EXOC6B: variants seen among roughly 807,000 people sequenced by gnomAD.
The protein encoded by EXOC6B is exocyst complex component 6B, also known as SEC15 homolog B.
Under a neutral mutation model 113.5 loss-of-function variants are expected in EXOC6B, and 54 were observed. The ratio of observed to expected loss-of-function variants is 0.48; its 90% CI spans 0.38 to 0.60. EXOC6B has a LOEUF of 0.60. EXOC6B is among the 20% of genes least tolerant of loss of function. EXOC6B has a pLI of 0.00. For synonymous variants in EXOC6B, 357 were observed against 339.0 expected (o/e 1.05, Z -0.58); for missense variants, 797 against 977.5 (o/e 0.82, Z 2.46).
intron 6 of EXOC6B, among the ~76,000 whole-genome samples, chr2:72,676,224 G>A (rs190862285): frequency 6.6e-6 from 1 of 151,900 alleles, no homozygotes; most frequent in East Asian, 1.9e-4. Flanking sequence ...AGTCTTTAGA[G>A]AATGCCCTGG....
At chr2:72,342,954 A>C (rs1689118596) in intron 19 of EXOC6B, among the ~76,000 whole-genome samples, 1 of 152,184 alleles carries the variant, frequency 6.6e-6, no homozygotes, top group Admixed American at 6.5e-5. Flanking sequence ...ATTCATATTC[A>C]CATTAGCCAT....
intron 1 of EXOC6B, among the ~76,000 whole-genome samples, chr2:72,817,767 C>T (rs1352562493): frequency 6.6e-6 from 1 of 152,176 alleles, no homozygotes; most frequent in Non-Finnish European, 1.5e-5. Context: ...CTTTAATTCC[C>T]ATAACTAATC....
intron 20 of EXOC6B, among the ~76,000 whole-genome samples, chr2:72,202,391 A>G (rs955998121): frequency 3.9e-5 from 6 of 152,198 alleles, no homozygotes; most frequent in Admixed American, 2.0e-4. Flanking sequence ...TTTTGCTTCA[A>G]TGTAATATAG....
At chr2:72,426,275 T>C (rs909444713) in intron 18 of EXOC6B, among the ~76,000 whole-genome samples, 1 of 152,204 alleles carries the variant, frequency 6.6e-6, no homozygotes, top group African/African-American at 2.4e-5. Flanking sequence ...AGTATCCTTT[T>C]ATCTATATCT....
intron 19 of EXOC6B, among the ~76,000 whole-genome samples, chr2:72,335,509 CCTCA>C (rs1688642548): frequency 6.7e-6 from 1 of 150,046 alleles, no homozygotes; most frequent in African/African-American, 2.5e-5. Flanking sequence ...TTAATTATTC[CCTCA>C]CTGATTATTT....
At chr2:72,714,954 C>G (rs545209611) in intron 6 of EXOC6B, among the ~76,000 whole-genome samples, 1 of 152,236 alleles carries the variant, frequency 6.6e-6, no homozygotes, top group Admixed American at 6.5e-5. Context: ...CAAAAAAACA[C>G]AAATGTGGAC....
At chr2:72,278,788 T>C (rs939092040) in intron 20 of EXOC6B, among the ~76,000 whole-genome samples, 1 of 152,184 alleles carries the variant, frequency 6.6e-6, no homozygotes, top group African/African-American at 2.4e-5. Context: ...ATTTAGGGCC[T>C]CATGTGAGAC....
At chr2:72,431,798 GC>G (rs940096335) in intron 18 of EXOC6B, among the ~76,000 whole-genome samples, 10 of 151,646 alleles carry the variant, frequency 6.6e-5, no homozygotes, top group Middle Eastern at 3.2e-3. Context: ...CCCTCCCCTA[GC>G]CTCCCACACC....
At chr2:72,540,136 T>C (rs1702518732) in intron 8 of EXOC6B, among the ~76,000 whole-genome samples, 1 of 152,066 alleles carries the variant, frequency 6.6e-6, no homozygotes, top group South Asian at 2.1e-4. Context: ...CATCATTTTT[T>C]ATGGCTGCAT....
At position 72,789,426 on chromosome 2, in the gene EXOC6B, T is replaced by G. The variant is rs140388776; in HGVS notation, c.113+36372A>C. 1.1e-3 allele frequency among the ~76,000 whole-genome samples: 169 copies of G among 152,304 alleles called. No individual in the cohort carries two copies. In the South Asian group the frequency reaches 0.012, roughly 11 times the overall value. Reference sequence around the variant, plus strand: ...ACTAAGATGGGCATGTTTGGTGGTTTGTTGGAGCACAGCTTGGAGACACTG... The same window carrying G: ...ACTAAGATGGGCATGTTTGGTGGTTGGTTGGAGCACAGCTTGGAGACACTG... On this transcript the variant is annotated intron_variant, in intron 1 of 21. Transcript: ENST00000272427.
At chr2:72,187,163 G>T (rs1317449836) in intron 20 of EXOC6B, among the ~76,000 whole-genome samples, 2 of 152,104 alleles carry the variant, frequency 1.3e-5, no homozygotes, top group Non-Finnish European at 2.9e-5. Flanking sequence ...AGCTTTCCTG[G>T]ATGGCACCAG....
chr2:72,238,603 G>A (rs959891135), intron 20 of EXOC6B, among the ~76,000 whole-genome samples: 1 of 152,170 alleles, frequency 6.6e-6, no homozygotes, highest in African/African-American at 2.4e-5. Flanking sequence ...ATCCTAGTGT[G>A]TGTGTGATGG....
intron 5 of EXOC6B, among the ~76,000 whole-genome samples, chr2:72,719,508 G>A (rs1679859478): frequency 6.6e-6 from 1 of 152,170 alleles, no homozygotes; most frequent in Non-Finnish European, 1.5e-5. Context: ...ACTCATCCCT[G>A]GCTGACTAGG....
At chr2:72,753,883 T>C (rs538605323) in intron 1 of EXOC6B, among the ~76,000 whole-genome samples, 1 of 152,238 alleles carries the variant, frequency 6.6e-6, no homozygotes, top group Admixed American at 6.5e-5. Flanking sequence ...AAAACGTCTC[T>C]CCTTAATACA....
intron 8 of EXOC6B, among the ~76,000 whole-genome samples, chr2:72,527,616 T>C (rs1345556424): frequency 6.6e-6 from 1 of 152,000 alleles, no homozygotes; most frequent in Non-Finnish European, 1.5e-5. Context: ...ATGGAAGTTG[T>C]TGCTTAATTT....
chr2:72,497,004 C>T (rs531235338), intron 13 of EXOC6B, among the ~76,000 whole-genome samples: 6 of 148,584 alleles, frequency 4.0e-5, no homozygotes, highest in South Asian at 2.1e-4. Context: ...GACAGGGTCT[C>T]GCTCTGTCAC....
intron 16 of EXOC6B, among the ~76,000 whole-genome samples, chr2:72,486,866 TAAAACAAAAAA>T: frequency 6.8e-6 from 1 of 146,902 alleles, no homozygotes; most frequent in South Asian, 2.1e-4. Flanking sequence ...CATTAAAAAA[TAAAACAAAAAA>T]AAAAACCTGT....
At chr2:72,583,741 G>T (rs1193326123) in intron 6 of EXOC6B, among the ~76,000 whole-genome samples, 7 of 145,802 alleles carry the variant, frequency 4.8e-5, no homozygotes, top group African/African-American at 2.7e-5. Flanking sequence ...TGTTTTTTTT[G>T]ATGGAGTCTT....
chr2:72,488,420 G>A (rs1699548348), intron 16 of EXOC6B, among the ~76,000 whole-genome samples: 1 of 151,690 alleles, frequency 6.6e-6, no homozygotes, highest in Non-Finnish European at 1.5e-5. Flanking sequence ...TTTATCCCCT[G>A]GCCAAACCTC....
Sources: allele counts gnomAD v4.1 joint callset (sites outside exome capture counted in the v4.1 genomes callset), GRCh38; gene constraint gnomAD v4.1.1; transcripts MANE v1.5; gene names NCBI Gene and HGNC (gene_info 2026-07-23, HGNC 2026-07-21).